SMIM36: variants seen among roughly 807,000 people sequenced by gnomAD.
SMIM36 encodes the protein small integral membrane protein 36.
the SMIM36 span, among the ~76,000 whole-genome samples, chr17:55,525,016 T>C: frequency 6.6e-6 from 1 of 152,158 alleles, no homozygotes; most frequent in Non-Finnish European, 1.5e-5. Context: ...CACAGACAGG[T>C]TGAGGAAGTT....
At chr17:55,492,536 G>A (rs1283185098) in intron 1 of SMIM36, among the ~76,000 whole-genome samples, 4 of 151,338 alleles carry the variant, frequency 2.6e-5, no homozygotes, top group African/African-American at 7.3e-5. Context: ...GGGATTACAG[G>A]CATGAGCCAC....
chr17:55,491,981 A>T (rs990084111), intron 1 of SMIM36, among the ~76,000 whole-genome samples: 1 of 151,840 alleles, frequency 6.6e-6, no homozygotes, highest in Non-Finnish European at 1.5e-5. Context: ...AACACAGTGA[A>T]ACCTCATCTC....
chr17:55,493,801 T>A, intron 1 of SMIM36, among the ~76,000 whole-genome samples: 1 of 91,628 alleles, frequency 1.1e-5, no homozygotes, highest in Non-Finnish European at 1.9e-5. Flanking sequence ...CAGAGCTCTC[T>A]CTCTCTCAAA....
At chr17:55,523,461 C>T in the SMIM36 span, among the ~76,000 whole-genome samples, 1 of 147,072 alleles carries the variant, frequency 6.8e-6, no homozygotes, top group Admixed American at 7.0e-5. Flanking sequence ...ACCCGGGAGG[C>T]GGAGGTTGCA....
intron 1 of SMIM36, among the ~76,000 whole-genome samples, chr17:55,499,670 A>G (rs1230461610): frequency 2.6e-5 from 4 of 152,166 alleles, no homozygotes; most frequent in African/African-American, 9.7e-5. Context: ...TTTAATACAA[A>G]TGTGCATGAT....
At chr17:55,489,375 C>CAAAAA (rs1430492702) in intron 1 of SMIM36, among the ~76,000 whole-genome samples, 1 of 66,994 alleles carries the variant, frequency 1.5e-5, no homozygotes, top group African/African-American at 5.9e-5. Context: ...ACCCTGTCTC[C>CAAAAA]AAAAACAAAA....
chr17:55,484,159 CAA>C (rs200264173), intron 1 of SMIM36, among the ~76,000 whole-genome samples: 1 of 150,014 alleles, frequency 6.7e-6, no homozygotes, highest in African/African-American at 2.4e-5. Context: ...AAACAAACAA[CAA>C]AAAAAACTCA....
At chr17:55,525,050 T>G in the SMIM36 span, among the ~76,000 whole-genome samples, 2 of 152,204 alleles carry the variant, frequency 1.3e-5, no homozygotes, top group Non-Finnish European at 2.9e-5. Context: ...TGTTTTTATG[T>G]GGCAGAGCCA....
chr17:55,520,817 A>G, the SMIM36 span, among the ~76,000 whole-genome samples: 1 of 152,212 alleles, frequency 6.6e-6, no homozygotes, highest in Non-Finnish European at 1.5e-5. Flanking sequence ...TAGTAGTAAT[A>G]ATAACTTTTA....
chr17:55,511,763 G>A (rs926462107), upstream of SMIM36, among the ~76,000 whole-genome samples: 1 of 152,204 alleles, frequency 6.6e-6, no homozygotes, highest in Non-Finnish European at 1.5e-5. Flanking sequence ...TTGTATAAGG[G>A]ATGTTTAGTG....
chr17:55,529,506 G>C, the SMIM36 span, among the ~76,000 whole-genome samples: 4 of 151,892 alleles, frequency 2.6e-5, no homozygotes, highest in African/African-American at 9.7e-5. Context: ...GGTGGCTCAC[G>C]CCTGTAATCC....
the SMIM36 span, among the ~76,000 whole-genome samples, chr17:55,518,993 G>GTTT: frequency 2.1e-5 from 3 of 143,120 alleles, no homozygotes; most frequent in Admixed American, 1.4e-4. Flanking sequence ...TGATATTTGG[G>GTTT]TTTTTTTTTT....
chr17:55,490,576 C>A (rs997989936), intron 1 of SMIM36, among the ~76,000 whole-genome samples: 18 of 152,038 alleles, frequency 1.2e-4, no homozygotes, highest in Non-Finnish European at 2.2e-4. Context: ...AGAAGTGAGC[C>A]AAATCTGCCG....
At chr17:55,476,152 G>A (rs145728801) in intron 3 of SMIM36, among the ~76,000 whole-genome samples, 3,985 of 152,174 alleles carry the variant, frequency 0.026, 152 homozygotes, top group African/African-American at 0.081. Flanking sequence ...ATGGCCTGAA[G>A]CAAGTGAAGA....
At chr17:55,478,210 C>G (rs1909458493) in intron 3 of SMIM36, among the ~76,000 whole-genome samples, 2 of 151,528 alleles carry the variant, frequency 1.3e-5, no homozygotes, top group Non-Finnish European at 2.9e-5. Context: ...AAAAAAGTAC[C>G]TGTTGTTACG....
At chr17:55,476,092 A>G (rs1280927032) in intron 3 of SMIM36, among the ~76,000 whole-genome samples, 1 of 152,170 alleles carries the variant, frequency 6.6e-6, no homozygotes, top group Non-Finnish European at 1.5e-5. Context: ...CAGGCCTCTG[A>G]GCCCAAGCTA....
intron 4 of SMIM36, among the ~76,000 whole-genome samples, chr17:55,453,792 TA>T (rs1380361802): frequency 1.3e-5 from 2 of 152,266 alleles, no homozygotes; most frequent in East Asian, 3.9e-4. Flanking sequence ...GTAAAATAGA[TA>T]TTTAGAGTAG....
intron 4 of SMIM36, among the ~76,000 whole-genome samples, chr17:55,457,970 T>C (rs1217948013): frequency 6.6e-6 from 1 of 152,214 alleles, no homozygotes; most frequent in Non-Finnish European, 1.5e-5. Context: ...AGAATTGGGA[T>C]TTGCCTGCTA....
At chr17:55,501,665 A>G (rs1909983893) in intron 1 of SMIM36, among the ~76,000 whole-genome samples, 1 of 144,872 alleles carries the variant, frequency 6.9e-6, no homozygotes, top group South Asian at 2.1e-4. Flanking sequence ...TGAATATATA[A>G]TATATATATT....
Sources: allele counts gnomAD v4.1 joint callset (sites outside exome capture counted in the v4.1 genomes callset), GRCh38; gene constraint gnomAD v4.1.1; transcripts MANE v1.5; gene names NCBI Gene and HGNC (gene_info 2026-07-23, HGNC 2026-07-21).